DIAPH2: variants seen among roughly 807,000 people sequenced by gnomAD.
DIAPH2 encodes diaphanous related formin 2.
In DIAPH2, 35 loss-of-function variants were observed where a neutral mutation model predicts 92.7. The observed-to-expected ratio is 0.38, with a 90% CI of 0.29 to 0.50. The LOEUF (loss-of-function observed/expected upper bound fraction) is 0.50, where lower values mean the gene tolerates loss of function less well. Among genes scored for constraint, DIAPH2 ranks in the 20% least tolerant of loss-of-function variants. DIAPH2 has a pLI of 0.94. For missense variants in DIAPH2, 701 were observed against 819.5 expected (o/e 0.86, Z 1.77); for synonymous variants, 301 against 280.4 (o/e 1.07, Z -0.73).
intron 5 of DIAPH2, chrX:96,884,661 T>A (rs1415023805): frequency 8.3e-7 from 1 of 1,210,597 alleles, no homozygotes; most frequent in Admixed American, 2.2e-5. Context: ...AGCAGGTGAC[T>A]CCATTGTCAG....
chrX:97,285,683 G>A (rs1056873569), intron 23 of DIAPH2, among the ~76,000 whole-genome samples: 2 of 110,374 alleles, frequency 1.8e-5, no homozygotes, highest in African/African-American at 6.6e-5. Context: ...TGCAACCTCC[G>A]CTTCCTGGGT....
At chrX:97,245,877 A>C (rs6620245) in intron 22 of DIAPH2, among the ~76,000 whole-genome samples, 32,334 of 108,494 alleles carry the variant, frequency 0.3, 4,351 homozygotes, top group East Asian at 0.64. Flanking sequence ...AAATAACATA[A>C]GTGACTGGTC....
intron 21 of DIAPH2, among the ~76,000 whole-genome samples, chrX:97,131,465 C>G (rs759723127): frequency 1.8e-5 from 2 of 111,222 alleles, no homozygotes; most frequent in Non-Finnish European, 3.8e-5. Flanking sequence ...CCTTTAAATG[C>G]GATTTATTAT....
At chrX:97,545,536 ATATAT>A (rs1569421551) in intron 26 of DIAPH2, among the ~76,000 whole-genome samples, 15 of 71,948 alleles carry the variant, frequency 2.1e-4, no homozygotes, top group Admixed American at 1.4e-3. Context: ...AAAAAAAAAT[ATATAT>A]ATATATATAT....
At chrX:96,722,357 A>T (rs1479019797) in intron 1 of DIAPH2, among the ~76,000 whole-genome samples, 1 of 109,653 alleles carries the variant, frequency 9.1e-6, no homozygotes. Context: ...ACTCCGTCTT[A>T]GAAAAAAAAA....
At chrX:96,785,192 G>A (rs762376092) in intron 4 of DIAPH2, among the ~76,000 whole-genome samples, 4 of 111,795 alleles carry the variant, frequency 3.6e-5, no homozygotes, top group Non-Finnish European at 5.6e-5. Context: ...AGCTATTGGA[G>A]AGACTGAATA....
In DIAPH2 at chrX:96,736,551, T is replaced by G. The variant is rs185976764; in HGVS notation, c.165+761T>G. ...CCTCCCAAGTAGCTGGGATTACAGG[T>G]GCCCACCACCACGCCTGGCCAAATT... is the stretch of plus-strand genomic sequence containing the variant. On this transcript the variant is annotated intron_variant, in intron 2 of 26. Coordinates refer to ENST00000324765, the MANE Select transcript of DIAPH2 (RefSeq NM_006729.5). 6.3e-5 allele frequency among the ~76,000 whole-genome samples: 7 copies of G among 111,090 alleles called. No individual in the cohort carries two copies. In the East Asian group the frequency reaches 2.0e-3, roughly 31 times the overall value.
intron 4 of DIAPH2, among the ~76,000 whole-genome samples, chrX:96,856,225 T>A (rs2147718522): frequency 9.0e-6 from 1 of 111,584 alleles, no homozygotes. Flanking sequence ...CCTGACCTGT[T>A]GACCCCAATA....
intron 26 of DIAPH2, among the ~76,000 whole-genome samples, chrX:97,596,637 T>C (rs2071553552): frequency 9.0e-6 from 1 of 111,719 alleles, no homozygotes; most frequent in African/African-American, 3.3e-5. Context: ...ATGGCCACTA[T>C]CACCCAAATT....
intron 12 of DIAPH2, among the ~76,000 whole-genome samples, chrX:96,939,927 T>G (rs2065693461): frequency 1.2e-5 from 1 of 85,919 alleles, no homozygotes; most frequent in South Asian, 4.8e-4. Flanking sequence ...CCTCCCAAAG[T>G]GCTGGGATTA....
At chrX:96,969,053 T>A (rs1345537614) in intron 17 of DIAPH2, among the ~76,000 whole-genome samples, 1 of 112,334 alleles carries the variant, frequency 8.9e-6, no homozygotes, top group Non-Finnish European at 1.9e-5. Context: ...GCTTTATTTC[T>A]TGGTTCTCTT....
chrX:96,885,091 G>A lies in DIAPH2; in HGVS notation c.587+3373G>A, dbSNP rs200339720. ...GGATCGGGAGCATTTTAAGTCTGCT[G>A]ATTGAGGCAGGGAAAACATCCTTTC... On this transcript the variant is annotated intron_variant, in intron 5 of 26. Transcript: ENST00000324765. The A allele has an allele frequency of 2.1e-4, 252 of 1,198,917 alleles. No individual in the cohort carries two copies. The highest frequency in any genetic ancestry group is 2.4e-4 in the Non-Finnish European group (210 of 887,685).
chrX:97,548,766 A>G (rs2071199207), intron 26 of DIAPH2, among the ~76,000 whole-genome samples: 1 of 112,452 alleles, frequency 8.9e-6, no homozygotes, highest in Non-Finnish European at 1.9e-5. Context: ...CTTCTGGAAT[A>G]TGGCCTGATT....
chrX:97,121,651 T>A (rs770981431), intron 21 of DIAPH2, among the ~76,000 whole-genome samples: 6 of 112,414 alleles, frequency 5.3e-5, no homozygotes, highest in Admixed American at 9.4e-5. Context: ...AATATGTAAC[T>A]GTAAGATTTT....
At chrX:97,204,744 G>A (rs2067781728) in intron 22 of DIAPH2, among the ~76,000 whole-genome samples, 1 of 111,607 alleles carries the variant, frequency 9.0e-6, no homozygotes, top group Admixed American at 9.5e-5. Flanking sequence ...TGGCCATACT[G>A]CCCAAAGTAA....
chrX:96,925,882 C>T (rs1422068374), intron 9 of DIAPH2, among the ~76,000 whole-genome samples: 2 of 111,520 alleles, frequency 1.8e-5, no homozygotes, highest in African/African-American at 6.5e-5. Context: ...ACATGACTTC[C>T]GTTGGCTTGG....
intron 23 of DIAPH2, among the ~76,000 whole-genome samples, chrX:97,258,889 A>AAACAAC (rs1178257689): frequency 9.8e-6 from 1 of 102,094 alleles, no homozygotes; most frequent in East Asian, 3.0e-4. Flanking sequence ...AAAAAAAAAA[A>AAACAAC]AACAACAACA....
intron 26 of DIAPH2, among the ~76,000 whole-genome samples, chrX:97,573,380 T>C (rs1045990870): frequency 9.0e-6 from 1 of 111,420 alleles, no homozygotes; most frequent in Non-Finnish European, 1.9e-5. Context: ...GCTCTGTGCA[T>C]GTATGTTGGT....
intron 22 of DIAPH2, among the ~76,000 whole-genome samples, chrX:97,201,362 A>G (rs2067748266): frequency 9.4e-6 from 1 of 106,177 alleles, no homozygotes. Flanking sequence ...GGCAATAACA[A>G]ACTTCTCTGA....
Sources: allele counts gnomAD v4.1 joint callset (sites outside exome capture counted in the v4.1 genomes callset), GRCh38; gene constraint gnomAD v4.1.1; transcripts MANE v1.5; gene names NCBI Gene and HGNC (gene_info 2026-07-23, HGNC 2026-07-21).